Variants in ANKS1B observed in about 807,000 individuals in gnomAD.
The protein encoded by ANKS1B is ankyrin repeat and sterile alpha motif domain containing 1B.
Under a neutral mutation model 148.3 loss-of-function variants are expected in ANKS1B, and 36 were observed. The ratio of observed to expected loss-of-function variants is 0.24; its 90% confidence interval spans 0.19 to 0.32. The LOEUF (loss-of-function observed/expected upper bound fraction) is 0.32, where lower values mean the gene tolerates loss of function less well. Ranked by LOEUF, ANKS1B falls within the 10% of genes least tolerant of loss-of-function variation. The pLI, the probability that ANKS1B is intolerant of heterozygous loss-of-function variation, is 1.00. For synonymous variants in ANKS1B, 542 were observed against 560.8 expected (o/e 0.97, Z 0.47); for missense variants, 1,157 against 1,542.6 (o/e 0.75, Z 4.19).
At chr12:98,970,785 A>G (rs1246696137) in intron 17 of ANKS1B, among the ~76,000 whole-genome samples, 1 of 152,212 alleles carries the variant, frequency 6.6e-6, no homozygotes, top group Non-Finnish European at 1.5e-5. Flanking sequence ...CTGAAAGGTT[A>G]GCCATTATTG....
rs534589627 is a variant in ANKS1B at position 99,129,591 on chromosome 12, G to GT, written c.2526+24697dup. Among the ~76,000 whole-genome samples, 13 of 152,306 alleles carry GT rather than the reference G, an allele frequency of 8.5e-5. No individual in the cohort carries two copies. In the South Asian group the frequency reaches 2.5e-3, roughly 29 times the overall value. On this transcript the variant is annotated intron_variant, in intron 15 of 26. Coordinates refer to ENST00000683438, the MANE Select transcript of ANKS1B (RefSeq NM_001352186.2). ...GAGGTAGAGCATGATCTCATTTGTG[G>GT]TAAGTTGAGAGTATGCTGAAATTCA...
chr12:99,618,989 C>G (rs1450510636), intron 9 of ANKS1B, among the ~76,000 whole-genome samples: 2 of 152,124 alleles, frequency 1.3e-5, no homozygotes, highest in African/African-American at 4.8e-5. Flanking sequence ...AGAAGGAGAG[C>G]TGCTACAGCT....
intron 9 of ANKS1B, among the ~76,000 whole-genome samples, chr12:99,545,928 G>T (rs1002466869): frequency 6.6e-6 from 1 of 151,742 alleles, no homozygotes; most frequent in Non-Finnish European, 1.5e-5. Context: ...TGTCACATGG[G>T]TTCACTTTAC....
chr12:99,819,866 G>T (rs1033948657), intron 2 of ANKS1B, among the ~76,000 whole-genome samples: 1 of 151,552 alleles, frequency 6.6e-6, no homozygotes, highest in Admixed American at 6.6e-5. Flanking sequence ...GGGGACTAAG[G>T]AAAGCAGAGG....
chr12:99,680,269 C>T (rs996710256), intron 8 of ANKS1B, among the ~76,000 whole-genome samples: 2 of 152,114 alleles, frequency 1.3e-5, no homozygotes, highest in Non-Finnish European at 2.9e-5. Context: ...GGCAAAACCC[C>T]GCCTCTACTA....
intron 8 of ANKS1B, among the ~76,000 whole-genome samples, chr12:99,769,188 C>A (rs1393594719): frequency 6.6e-6 from 1 of 152,094 alleles, no homozygotes; most frequent in Non-Finnish European, 1.5e-5. Flanking sequence ...GTTTTCAAGA[C>A]CTCAGTTCTG....
At chr12:98,796,183 C>T (rs2098947590) in intron 22 of ANKS1B, among the ~76,000 whole-genome samples, 1 of 152,146 alleles carries the variant, frequency 6.6e-6, no homozygotes, top group Non-Finnish European at 1.5e-5. Context: ...TAACAAAGTA[C>T]ATTTAAGGAA....
chr12:99,647,222 A>G (rs1432601443), intron 9 of ANKS1B, among the ~76,000 whole-genome samples: 5 of 152,176 alleles, frequency 3.3e-5, no homozygotes, highest in Non-Finnish European at 7.3e-5. Context: ...AGAAAAAAAA[A>G]GGTCAGGGAT....
In ANKS1B at chr12:98,744,808, T is replaced by C. The variant is rs532519350; in HGVS notation, c.*931A>G. ...CAGGAGCACTAGATTTTTTTTTTTT[T>C]AACATGTTCTTTAAAACACTGTGAA... On this transcript the variant is annotated 3_prime_UTR_variant, in exon 27 of 27. Coordinates refer to ENST00000683438, the MANE Select transcript of ANKS1B (RefSeq NM_001352186.2). The C allele has an allele frequency of 3.0e-5, 30 of 984,706 alleles. No individual in the cohort carries two copies. The East Asian group carries it at 3.3e-3, about 108-fold the overall frequency. The allele number at this position is 984,706 out of a possible 1,614,324, so 61.0% of individuals were successfully genotyped here.
chr12:99,897,822 A>G (rs1383264090), intron 1 of ANKS1B, among the ~76,000 whole-genome samples: 2 of 149,486 alleles, frequency 1.3e-5, no homozygotes, highest in African/African-American at 4.9e-5. Context: ...GGAGTTCTAA[A>G]CGAGGACATA....
At chr12:99,847,439 T>C (rs1210454208) in intron 1 of ANKS1B, among the ~76,000 whole-genome samples, 1 of 152,190 alleles carries the variant, frequency 6.6e-6, no homozygotes, top group East Asian at 1.9e-4. Context: ...AGAAATTCTC[T>C]AACCTACTGT....
intron 9 of ANKS1B, among the ~76,000 whole-genome samples, chr12:99,574,650 T>C (rs1418167286): frequency 6.6e-6 from 1 of 150,768 alleles, no homozygotes; most frequent in Non-Finnish European, 1.5e-5. Flanking sequence ...ATCAATGAAG[T>C]TCCTCGTATT....
intron 8 of ANKS1B, among the ~76,000 whole-genome samples, chr12:99,705,588 T>C (rs1420969631): frequency 6.6e-6 from 1 of 152,090 alleles, no homozygotes; most frequent in Non-Finnish European, 1.5e-5. Flanking sequence ...GAATTTCACA[T>C]CCAGTCTATG....
At chr12:99,055,953 G>T (rs1014447040) in intron 16 of ANKS1B, among the ~76,000 whole-genome samples, 2 of 152,166 alleles carry the variant, frequency 1.3e-5, no homozygotes, top group African/African-American at 4.8e-5. Context: ...TCAGTGGTCT[G>T]ATTACTCCTG....
intron 10 of ANKS1B, among the ~76,000 whole-genome samples, chr12:99,488,885 C>T (rs940975588): frequency 6.6e-6 from 1 of 152,068 alleles, no homozygotes; most frequent in African/African-American, 2.4e-5. Flanking sequence ...GGAAGGATTG[C>T]TTTAACAAAA....
chr12:99,358,686 TACACAC>T (rs34631898), intron 12 of ANKS1B, among the ~76,000 whole-genome samples: 2 of 149,536 alleles, frequency 1.3e-5, no homozygotes, highest in African/African-American at 2.5e-5. Flanking sequence ...TGTGCATGCA[TACACAC>T]ACACACACAC....
chr12:99,485,170 T>A (rs2096471565), intron 10 of ANKS1B, among the ~76,000 whole-genome samples: 1 of 152,032 alleles, frequency 6.6e-6, no homozygotes, highest in African/African-American at 2.4e-5. Context: ...TTCTTCAACG[T>A]TTAGAACACC....
chr12:99,154,975 C>G, intron 14 of ANKS1B: 2 of 1,535,442 alleles, frequency 1.3e-6, no homozygotes, highest in Non-Finnish European at 1.7e-6. Context: ...CACACCCATC[C>G]AAGCGTCAAT....
intron 17 of ANKS1B, among the ~76,000 whole-genome samples, chr12:98,833,811 G>A (rs1468266830): frequency 6.6e-6 from 1 of 151,972 alleles, no homozygotes; most frequent in Non-Finnish European, 1.5e-5. Flanking sequence ...AGTACTCAAC[G>A]TTTAGCTCCC....
Sources: allele counts gnomAD v4.1 joint callset (sites outside exome capture counted in the v4.1 genomes callset), GRCh38; gene constraint gnomAD v4.1.1; transcripts MANE v1.5; gene names NCBI Gene and HGNC (gene_info 2026-07-23, HGNC 2026-07-21).